The following HEYL variants were observed in gnomAD, a reference collection of about 807,000 sequenced individuals.
HEYL encodes hes related family bHLH transcription factor with YRPW motif like.
HEYL carries 12 observed loss-of-function variants against 18.6 expected under a neutral mutation model. The ratio of observed to expected loss-of-function variants is 0.65; its 90% CI spans 0.41 to 1.05. The LOEUF is 1.05. Among genes scored for constraint, HEYL ranks in the 50% least tolerant of loss-of-function variants. HEYL has a pLI of 0.00. For missense variants in HEYL, 420 were observed against 444.7 expected (o/e 0.94, Z 0.50); for synonymous variants, 159 against 179.6 (o/e 0.89, Z 0.91).
At chr1:39,636,303 G>A (rs1471222991) in intron 1 of HEYL, among the ~76,000 whole-genome samples, 4 of 147,564 alleles carry the variant, frequency 2.7e-5, no homozygotes, top group Admixed American at 6.8e-5. Context: ...GTCTTACTCT[G>A]TCACCCAGGC....
intron 4 of HEYL, among the ~76,000 whole-genome samples, chr1:39,628,749 C>T (rs780599190): frequency 1.3e-5 from 2 of 152,106 alleles, no homozygotes; most frequent in African/African-American, 4.8e-5. Flanking sequence ...AGGCGCCCAC[C>T]ACCACACCCG....
intron 4 of HEYL, among the ~76,000 whole-genome samples, chr1:39,629,621 T>C (rs1646321120): frequency 6.6e-6 from 1 of 152,246 alleles, no homozygotes; most frequent in African/African-American, 2.4e-5. Context: ...TTTCCCAATT[T>C]TGAAATCACC....
At chr1:39,639,392 A>C (rs1354109296) in intron 1 of HEYL, among the ~76,000 whole-genome samples, 154 bp downstream of exon 1, 1 of 151,816 alleles carries the variant, frequency 6.6e-6, no homozygotes, top group African/African-American at 2.4e-5. Flanking sequence ...CACGGCCCGC[A>C]CACGCCCCCT....
chr1:39,629,750 T>C (rs912755337), intron 4 of HEYL, among the ~76,000 whole-genome samples: 1 of 152,236 alleles, frequency 6.6e-6, no homozygotes, highest in African/African-American at 2.4e-5. Flanking sequence ...TGAGTTAATT[T>C]GTGTCCTGCT....
chr1:39,635,717 G>A (rs143612625), intron 1 of HEYL, among the ~76,000 whole-genome samples: 1 of 152,290 alleles, frequency 6.6e-6, no homozygotes, highest in Non-Finnish European at 1.5e-5. Flanking sequence ...CAGGGAATCC[G>A]CATCTTCTGG....
intron 1 of HEYL, chr1:39,633,422 T>G (rs1646345923): frequency 6.6e-6 from 1 of 152,316 alleles, no homozygotes; most frequent in Non-Finnish European, 1.5e-5. Context: ...GGGCTTTTCC[T>G]GCCCAGACTC....
chr1:39,639,389 C>T (rs374097343), intron 1 of HEYL, among the ~76,000 whole-genome samples, 157 bp downstream of exon 1: 1 of 152,206 alleles, frequency 6.6e-6, no homozygotes, highest in East Asian at 1.9e-4. Flanking sequence ...CGGCACGGCC[C>T]GCACACGCCC....
chr1:39,626,932 C>T lies in HEYL; in HGVS notation c.562G>A (p.Ala188Thr). The change falls in exon 5 of 5, where the codon GCC (alanine) becomes ACC (threonine). Residue 188 changes from alanine (A) to threonine (T), a missense_variant. By Grantham distance (58) the Ala-to-Thr change is moderately conservative (BLOSUM62 0). Transcript: ENST00000372852. ...SFFHSCPGLP[A>T]LSNQLAILGR... ...AGGATGGCGAGCTGGTTGCTCAGGGCTGGCAGCCCTGGACAGCTATGGAAG... is the reference window on the plus strand; with the variant it reads ...AGGATGGCGAGCTGGTTGCTCAGGGTTGGCAGCCCTGGACAGCTATGGAAG... The T allele has an allele frequency of 1.2e-6, 2 of 1,612,970 alleles. No individual in the cohort carries two copies. Among genetic ancestry groups the T allele is most frequent in the Non-Finnish European group, 1.7e-6 (2 of 1,179,172 alleles).
At chr1:39,639,500 C>A (rs1187715236) in intron 1 of HEYL, 46 bp downstream of exon 1, 5 of 1,498,284 alleles carry the variant, frequency 3.3e-6, no homozygotes, top group Non-Finnish European at 2.7e-6. Flanking sequence ...CCGACCCCCA[C>A]CCCGCTCGCC....
intron 1 of HEYL, chr1:39,633,029 G>A (rs1264212225): frequency 2.1e-6 from 2 of 969,064 alleles, no homozygotes; most frequent in Non-Finnish European, 2.5e-6. Context: ...CCCCGGGGGC[G>A]GGGCGGGCGA....
At chr1:39,628,171 CTA>C (rs1469363159) in intron 4 of HEYL, among the ~76,000 whole-genome samples, 1 of 152,242 alleles carries the variant, frequency 6.6e-6, no homozygotes. Context: ...CAGCTGGAGA[CTA>C]TGTTTGGAGT....
In HEYL at chr1:39,625,736, G is replaced by A. The variant is rs1646293053; in HGVS notation, c.*771C>T. ...CTCCTGTCTGGGAGAGCTGTCCAAG[G>A]CCTGGTGTGAGGACACCCTGTCACA... On this transcript the variant is annotated 3_prime_UTR_variant, in exon 5 of 5. Coordinates refer to ENST00000372852, the MANE Select transcript of HEYL (RefSeq NM_014571.4). The A allele has an allele frequency of 6.6e-6, 1 of 152,516 alleles. No individual in the cohort carries two copies. The highest frequency in any genetic ancestry group is 1.5e-5 in the Non-Finnish European group (1 of 68,276). 9.4% of individuals were successfully genotyped at this position (152,516 alleles called of 1,614,324 possible).
At position 39,624,132 on chromosome 1, in the gene HEYL, AG is replaced by A. The variant is rs1272492046; in HGVS notation, c.*2374del. ...AGTGGATGGACTCCAGAGATAGTTT[AG>A]AAGTAGAATCTACTGGAAGTTTCCA... On this transcript the variant is annotated 3_prime_UTR_variant, in exon 5 of 5. Coordinates refer to ENST00000372852, the MANE Select transcript of HEYL (RefSeq NM_014571.4). The A allele has an allele frequency of 6.6e-6, 1 of 152,272 alleles. No homozygotes were observed. The highest frequency in any genetic ancestry group is 1.5e-5 in the Non-Finnish European group (1 of 68,068). The allele number at this position is 152,272 out of a possible 1,614,324, so 9.4% of individuals were successfully genotyped here.
intron 3 of HEYL, 88 bp from the exon 4 acceptor site, chr1:39,630,396 A>C: frequency 2.9e-6 from 3 of 1,026,522 alleles, no homozygotes; most frequent in South Asian, 2.5e-5. Context: ...CGATTTTCTC[A>C]CCTTCCTCCC....
chr1:39,635,086 G>T (rs1419400252), intron 1 of HEYL, among the ~76,000 whole-genome samples: 1 of 152,214 alleles, frequency 6.6e-6, no homozygotes, highest in Non-Finnish European at 1.5e-5. Context: ...AGACCAGATA[G>T]CATTTGTCAA....
At chr1:39,632,736 T>C (rs1646341093) in intron 1 of HEYL, 21 bp from the exon 2 acceptor site, 2 of 1,613,522 alleles carry the variant, frequency 1.2e-6, no homozygotes, top group African/African-American at 1.3e-5. Context: ...AAAGAAAAGC[T>C]GATTTTTCAG....
chr1:39,630,035 C>T (rs901286458), intron 4 of HEYL, among the ~76,000 whole-genome samples, 192 bp downstream of exon 4: 3 of 152,144 alleles, frequency 2.0e-5, no homozygotes, highest in Non-Finnish European at 4.4e-5. Context: ...GAAAAGGTTG[C>T]GACAAATGGA....
In HEYL at chr1:39,631,574, T is replaced by C. The variant is rs769086936; in HGVS notation, c.153A>G (p.Ile51Met). 8.7e-6 allele frequency: 14 copies of C among 1,614,014 alleles called. No homozygotes were observed. The East Asian group carries it at 2.9e-4, about 33-fold the overall frequency. The part of the protein sequence containing the change: ...MQARKKHRGI[I>M]EKRRRDRINS... ...TGATGCGGTCTCGACGCCGTTTCTC[T>C]ATGATCTAAACAATCATGACAAGAA... The change falls in exon 3 of 5, where the codon ATA becomes ATG. Residue 51 changes from isoleucine (I) to methionine (M), a missense_variant. By Grantham distance (10) the Ile-to-Met change is conservative (BLOSUM62 1). Transcript: ENST00000372852.
intron 2 of HEYL, among the ~76,000 whole-genome samples, 193 bp downstream of exon 2, chr1:39,632,456 G>C (rs959354475): frequency 1.3e-5 from 2 of 152,224 alleles, no homozygotes; most frequent in Non-Finnish European, 2.9e-5. Flanking sequence ...TTACACAAAG[G>C]AGCAAATCAG....
Sources: gnomAD v4.1 joint callset for allele counts (sites outside exome capture counted in the v4.1 genomes callset) on GRCh38, gnomAD v4.1.1 for gene constraint, MANE v1.5 for transcripts, NCBI Gene and HGNC (gene_info 2026-07-23, HGNC 2026-07-21) for gene names.